Variants in TBC1D12 observed in about 807,000 individuals in gnomAD.
TBC1D12 encodes the protein TBC1 domain family member 12.
A neutral mutation model predicts 86.7 loss-of-function variants in TBC1D12; 56 were observed. The ratio of observed to expected loss-of-function variants is 0.65; its 90% CI spans 0.52 to 0.81. TBC1D12 has a LOEUF of 0.81. Ranked by LOEUF, TBC1D12 falls within the 30% of genes least tolerant of loss-of-function variation. The probability of loss-of-function intolerance (pLI) is 0.00; values close to 1 mark genes in which losing one functional copy is unlikely to be tolerated. For missense variants in TBC1D12, 1,023 were observed against 1,038.8 expected (o/e 0.98, Z 0.21); for synonymous variants, 421 against 411.7 (o/e 1.02, Z -0.27).
chr10:94,424,657 A>G (rs914179723), intron 1 of TBC1D12, among the ~76,000 whole-genome samples: 2 of 152,216 alleles, frequency 1.3e-5, no homozygotes, highest in African/African-American at 2.4e-5. Context: ...CAACAGAAAG[A>G]GACACAAAAT....
intron 2 of TBC1D12, among the ~76,000 whole-genome samples, chr10:94,465,297 G>A (rs536044020): frequency 3.9e-5 from 6 of 152,110 alleles, no homozygotes; most frequent in Non-Finnish European, 8.8e-5. Context: ...ATCAAAAAAC[G>A]ACAGTATTAT....
chr10:94,441,782 T>A, intron 1 of TBC1D12, 114 bp from the exon 2 acceptor site: 5 of 1,038,472 alleles, frequency 4.8e-6, no homozygotes, highest in Non-Finnish European at 6.9e-6. Context: ...GTAGAAATAG[T>A]TTTATTTAAA....
At chr10:94,438,868 A>T (rs1220204150) in intron 1 of TBC1D12, among the ~76,000 whole-genome samples, 2 of 151,484 alleles carry the variant, frequency 1.3e-5, no homozygotes, top group Non-Finnish European at 2.9e-5. Flanking sequence ...CAGTGGTGCG[A>T]TCTCAGCTCA....
intron 8 of TBC1D12, among the ~76,000 whole-genome samples, chr10:94,510,982 C>T (rs903839660): frequency 2.0e-5 from 3 of 151,314 alleles, no homozygotes; most frequent in African/African-American, 7.3e-5. Flanking sequence ...ATTCATCATA[C>T]CCTTATACCA....
chr10:94,438,636 T>A (rs1279013268), intron 1 of TBC1D12, among the ~76,000 whole-genome samples: 1 of 152,000 alleles, frequency 6.6e-6, no homozygotes, highest in Non-Finnish European at 1.5e-5. Flanking sequence ...TGGTGGTGGT[T>A]GTGAGGAATA....
chr10:94,459,871 GCAC>G (rs928048506), intron 2 of TBC1D12, among the ~76,000 whole-genome samples: 2 of 152,192 alleles, frequency 1.3e-5, no homozygotes, highest in African/African-American at 4.8e-5. Context: ...GTTCCTGCCT[GCAC>G]CTCTCACTCC....
chr10:94,522,533 A>G, intron 11 of TBC1D12, 80 bp downstream of exon 11: 1 of 627,516 alleles, frequency 1.6e-6, no homozygotes, highest in South Asian at 2.4e-5. Flanking sequence ...AACTAGAGTA[A>G]ATCTCATGTG....
At chr10:94,411,726 A>G (rs1454380952) in intron 1 of TBC1D12, among the ~76,000 whole-genome samples, 1 of 152,148 alleles carries the variant, frequency 6.6e-6, no homozygotes, top group African/African-American at 2.4e-5. Flanking sequence ...TCGGAGCCCA[A>G]GGTGGGGGGA....
intron 1 of TBC1D12, among the ~76,000 whole-genome samples, chr10:94,420,265 C>T (rs2055056366): frequency 6.6e-6 from 1 of 152,156 alleles, no homozygotes; most frequent in South Asian, 2.1e-4. Context: ...AGAAGAGACT[C>T]CTCACCAGAC....
intron 1 of TBC1D12, among the ~76,000 whole-genome samples, chr10:94,410,988 T>C (rs533925970): frequency 6.6e-6 from 1 of 152,204 alleles, no homozygotes; most frequent in South Asian, 2.1e-4. Flanking sequence ...ATACTACAAA[T>C]GTGAACTGAG....
chr10:94,442,840 T>C (rs540018734), intron 2 of TBC1D12, among the ~76,000 whole-genome samples: 1 of 152,358 alleles, frequency 6.6e-6, no homozygotes, highest in South Asian at 2.1e-4. Context: ...ATATCTTCCT[T>C]TAAAGATTTA....
intron 2 of TBC1D12, among the ~76,000 whole-genome samples, chr10:94,459,469 C>T (rs1181109422): frequency 6.6e-6 from 1 of 152,276 alleles, no homozygotes; most frequent in Non-Finnish European, 1.5e-5. Context: ...GGTGGAGCTG[C>T]CCGCCAGTAC....
At chr10:94,511,349 C>T (rs1448091525) in intron 8 of TBC1D12, among the ~76,000 whole-genome samples, 4 of 151,954 alleles carry the variant, frequency 2.6e-5, no homozygotes, top group Non-Finnish European at 5.9e-5. Context: ...CTGCCCATCT[C>T]GACCTCCTAA....
At chr10:94,523,895 G>A (rs1842218437) in intron 11 of TBC1D12, among the ~76,000 whole-genome samples, 1 of 152,160 alleles carries the variant, frequency 6.6e-6, no homozygotes, top group African/African-American at 2.4e-5. Flanking sequence ...CTTGAGCACA[G>A]GAGTTTAAGG....
intron 1 of TBC1D12, among the ~76,000 whole-genome samples, chr10:94,439,102 C>A (rs1227867256): frequency 2.6e-5 from 4 of 152,142 alleles, no homozygotes; most frequent in African/African-American, 9.7e-5. Flanking sequence ...CCATGCCCCG[C>A]TCCAGTTACT....
At chr10:94,500,167 G>A (rs2056375986) in intron 5 of TBC1D12, 54 bp from the exon 6 acceptor site, 1 of 1,506,488 alleles carries the variant, frequency 6.6e-7, no homozygotes, top group Non-Finnish European at 9.1e-7. Flanking sequence ...CATGCAACTA[G>A]TATTTTTGGT....
chr10:94,489,259 A>G (rs1441093864), intron 3 of TBC1D12, among the ~76,000 whole-genome samples: 1 of 152,202 alleles, frequency 6.6e-6, no homozygotes. Flanking sequence ...GGCTGAGTTC[A>G]GCATGATTTT....
chr10:94,527,572 G>A (rs181588033), intron 11 of TBC1D12, among the ~76,000 whole-genome samples: 1 of 151,814 alleles, frequency 6.6e-6, no homozygotes, highest in East Asian at 1.9e-4. Context: ...ATCTAAAAAT[G>A]GGAATTTGTT....
chr10:94,459,568 G>A (rs908882357), intron 2 of TBC1D12, among the ~76,000 whole-genome samples: 6 of 152,218 alleles, frequency 3.9e-5, no homozygotes, highest in African/African-American at 4.8e-5. Flanking sequence ...GGGGAGGCTC[G>A]GGCCGCGCAG....
Sources: gnomAD v4.1 joint callset for allele counts (sites outside exome capture counted in the v4.1 genomes callset) on GRCh38, gnomAD v4.1.1 for gene constraint, MANE v1.5 for transcripts, NCBI Gene and HGNC (gene_info 2026-07-23, HGNC 2026-07-21) for gene names.